The following FMNL3 variants were observed in gnomAD, a reference collection of about 807,000 sequenced individuals.
FMNL3 encodes formin like 3.
A neutral mutation model predicts 119.6 loss-of-function variants in FMNL3; 57 were observed. The ratio of observed to expected loss-of-function variants is 0.48; its 90% CI spans 0.39 to 0.59. The LOEUF is 0.59. Among genes scored for constraint, FMNL3 ranks in the 20% least tolerant of loss-of-function variants. FMNL3 has a pLI of 0.00. For missense variants in FMNL3, 1,053 were observed against 1,323.5 expected (o/e 0.80, Z 3.17); for synonymous variants, 491 against 507.3 (o/e 0.97, Z 0.43).
intron 1 of FMNL3, among the ~76,000 whole-genome samples, chr12:49,684,953 CCAAA>C (rs1944420330): frequency 6.6e-6 from 1 of 152,184 alleles, no homozygotes; most frequent in Admixed American, 6.5e-5. Context: ...CAGAAGGGGT[CCAAA>C]CAAAGATGCT....
chr12:49,660,992 G>A (rs1317180289), intron 5 of FMNL3, among the ~76,000 whole-genome samples: 1 of 152,174 alleles, frequency 6.6e-6, no homozygotes, highest in African/African-American at 2.4e-5. Context: ...TCAGGGCTAA[G>A]TCCTAGGATG....
chr12:49,702,542 GAAAAC>G (rs1342979273), intron 1 of FMNL3, among the ~76,000 whole-genome samples: 1 of 151,798 alleles, frequency 6.6e-6, no homozygotes, highest in Non-Finnish European at 1.5e-5. Context: ...ACTTTAAGAG[GAAAAC>G]AAAACAAAAC....
At chr12:49,700,391 CAAAAAAAA>C (rs11456820) in intron 1 of FMNL3, among the ~76,000 whole-genome samples, 5 of 56,426 alleles carry the variant, frequency 8.9e-5, no homozygotes, top group East Asian at 5.9e-4. Context: ...GAATCCGTCT[CAAAAAAAA>C]AAAAAAAAAA....
chr12:49,649,440 C>T lies in FMNL3; in HGVS notation c.2304+30G>A. ...GCCCCCACCTAGGACCTGAAAACCC[C>T]CAGCACCCCTGTTCACAACCTCTTC... On this transcript the variant is annotated intron_variant, in intron 19 of 25. Transcript: ENST00000335154. The surrounding 1 kb of genome is among the most constrained non-coding windows in gnomAD (Gnocchi z 5.6). 1 of 1,613,974 alleles carries T rather than the reference C, an allele frequency of 6.2e-7. No individual in the cohort carries two copies.
rs1489842500 is a variant in FMNL3, at chr12:49,654,316, G to A, written c.961-14C>T. On this transcript the variant is annotated splice_polypyrimidine_tract_variant and intron_variant, in intron 10 of 25. Coordinates refer to ENST00000335154, the MANE Select transcript of FMNL3 (RefSeq NM_175736.5). ...CATGCAGGCCACCTGAAGAAGAGGA[G>A]GCCCAGAGAAGCAGCAACAGGAAGG... The A allele has an allele frequency of 6.2e-7, 1 of 1,609,644 alleles. No homozygotes were observed. The highest frequency in any genetic ancestry group is 1.7e-5 in the Admixed American group (1 of 59,958).
intron 5 of FMNL3, among the ~76,000 whole-genome samples, chr12:49,660,137 T>TA (rs1353784208): frequency 6.6e-6 from 1 of 152,220 alleles, no homozygotes; most frequent in Non-Finnish European, 1.5e-5. Context: ...CTTGTACTGG[T>TA]ATATGCAGTT....
chr12:49,654,013 G>C (rs997843371), intron 11 of FMNL3, 139 bp from the exon 12 acceptor site: 1 of 1,322,540 alleles, frequency 7.6e-7, no homozygotes, highest in Non-Finnish European at 1.0e-6. Flanking sequence ...TCAGATTCTC[G>C]CCCCCATGGA....
At chr12:49,656,295 T>C in intron 9 of FMNL3, 109 bp downstream of exon 9, 1 of 786,352 alleles carries the variant, frequency 1.3e-6, no homozygotes, top group South Asian at 1.8e-5. Context: ...GGCCAAGCAT[T>C]GGGATGTTAA....
chr12:49,654,151 T>C, intron 11 of FMNL3, 41 bp downstream of exon 11: 2 of 1,566,264 alleles, frequency 1.3e-6, no homozygotes, highest in Non-Finnish European at 8.8e-7. Flanking sequence ...GCTAAACTGA[T>C]CCCAAAGCAC....
At chr12:49,680,587 G>T (rs1565888449) in intron 1 of FMNL3, among the ~76,000 whole-genome samples, 1 of 152,156 alleles carries the variant, frequency 6.6e-6, no homozygotes, top group Non-Finnish European at 1.5e-5. Context: ...CTATTTTTGA[G>T]TTGTTCCAGC....
In FMNL3 at chr12:49,637,159, T is replaced by C. The variant is rs1168929392; in HGVS notation, c.*8656A>G. 1 of 569,090 alleles carries C rather than the reference T, an allele frequency of 1.8e-6. No individual in the cohort carries two copies. Among genetic ancestry groups the C allele is most frequent in the African/African-American group, 1.9e-5 (1 of 53,394 alleles). The allele number at this position is 569,090 out of a possible 1,614,324, so 35.3% of individuals were successfully genotyped here. A position where few individuals can be genotyped will look rare whatever the true frequency, so the allele number is the denominator to read the frequency against. ...TGGGGCACCCGACAGGCAGAGTTTA[T>C]TCCCTCAGCTTGGGGGTGGCAGTGG... On this transcript the variant is annotated 3_prime_UTR_variant, in exon 26 of 26. Transcript: ENST00000335154.
intron 1 of FMNL3, among the ~76,000 whole-genome samples, chr12:49,682,963 G>T (rs1164510015): frequency 6.6e-6 from 1 of 152,142 alleles, no homozygotes; most frequent in African/African-American, 2.4e-5. Context: ...GGAGAGATAT[G>T]GGAGAGATTT....
At chr12:49,648,376 A>G in intron 21 of FMNL3, 23 bp from the exon 22 acceptor site, 1 of 1,600,910 alleles carries the variant, frequency 6.2e-7, no homozygotes, top group Non-Finnish European at 8.5e-7. Flanking sequence ...AGCCTGGCTG[A>G]GGAATGCCTA....
chr12:49,693,853 G>C (rs796455624), intron 1 of FMNL3, among the ~76,000 whole-genome samples: 160 of 151,562 alleles, frequency 1.1e-3, no homozygotes, highest in African/African-American at 3.5e-3. Context: ...TCTCTATGTT[G>C]GTCAGGCTGG....
In FMNL3 at chr12:49,641,775, A is replaced by C; in HGVS notation, c.*4040T>G. On this transcript the variant is annotated 3_prime_UTR_variant, in exon 26 of 26. Transcript: ENST00000335154. ...GAGGACTTGGATAACTTGGTTTCTA[A>C]TGCAGACCACAGTCCTGTGGATCTC... The C allele has an allele frequency of 5.8e-6, 4 of 693,404 alleles. No individual in the cohort carries two copies. The highest frequency in any genetic ancestry group is 9.8e-6 in the Non-Finnish European group (4 of 406,646). The allele number at this position is 693,404 out of a possible 1,614,324, so 43.0% of individuals were successfully genotyped here. A position where few individuals can be genotyped will look rare whatever the true frequency, so the allele number is the denominator to read the frequency against.
At chr12:49,646,592 A>C in intron 25 of FMNL3, 1 of 1,397,814 alleles carries the variant, frequency 7.2e-7, no homozygotes, top group African/African-American at 1.4e-5. Flanking sequence ...CCCAGCAGGA[A>C]TCCTGGGAGA....
In FMNL3 at chr12:49,643,012, C is replaced by T; in HGVS notation, c.*2803G>A. The T allele has an allele frequency of 1.2e-6, 2 of 1,613,482 alleles. No homozygotes were observed. Among genetic ancestry groups the T allele is most frequent in the Non-Finnish European group, 1.7e-6 (2 of 1,179,570 alleles). On this transcript the variant is annotated 3_prime_UTR_variant, in exon 26 of 26. Transcript: ENST00000335154. ...CACCATCACAAGCGTTCCCACTCAC[C>T]CTCAGTGAGTAAGCGTGTAGAAGGG...
At chr12:49,648,906 G>A in intron 21 of FMNL3, 123 bp downstream of exon 21, 1 of 1,419,750 alleles carries the variant, frequency 7.0e-7, no homozygotes, top group Non-Finnish European at 9.4e-7. Context: ...GCTTTGAAGT[G>A]GTCAGAAAGA....
At chr12:49,703,503 A>C (rs900748599) in intron 1 of FMNL3, among the ~76,000 whole-genome samples, 6 of 151,884 alleles carry the variant, frequency 4.0e-5, no homozygotes, top group African/African-American at 1.5e-4. Context: ...GCAGCTTCAC[A>C]ACCTTTTTCC....
Sources: allele counts gnomAD v4.1 joint callset (sites outside exome capture counted in the v4.1 genomes callset), GRCh38; gene constraint gnomAD v4.1.1; non-coding constraint Gnocchi (gnomAD v3.1); transcripts MANE v1.5; gene names NCBI Gene and HGNC (gene_info 2026-07-23, HGNC 2026-07-21).